DCBLD1: variants seen among roughly 807,000 people sequenced by gnomAD.
DCBLD1 encodes discoidin, CUB and LCCL domain containing 1.
Under a neutral mutation model 71.5 loss-of-function variants are expected in DCBLD1, and 57 were observed. The ratio of observed to expected loss-of-function variants is 0.80; its 90% CI spans 0.64 to 0.99. The LOEUF (loss-of-function observed/expected upper bound fraction) is 0.99. Ranked by LOEUF, DCBLD1 falls within the 50% of genes least tolerant of loss-of-function variation. DCBLD1 has a pLI of 0.00. For missense variants in DCBLD1, 891 were observed against 923.5 expected, an observed-to-expected ratio of 0.96 and a Z score of 0.46; for synonymous variants, 380 against 363.8, an observed-to-expected ratio of 1.04 and a Z score of -0.51.
At chr6:117,532,455 C>G in intron 6 of DCBLD1, 62 bp downstream of exon 6, 1 of 1,484,488 alleles carries the variant, frequency 6.7e-7, no homozygotes, top group African/African-American at 1.4e-5. Flanking sequence ...GGATAATTAA[C>G]CAGCTCACAA....
At chr6:117,513,703 C>T (rs942127870) in intron 2 of DCBLD1, among the ~76,000 whole-genome samples, 1 of 152,184 alleles carries the variant, frequency 6.6e-6, no homozygotes, top group African/African-American at 2.4e-5. Flanking sequence ...CCATGCAAAA[C>T]TGTGCATCCT....
At chr6:117,502,500 C>T (rs1261700050) in intron 1 of DCBLD1, among the ~76,000 whole-genome samples, 1 of 151,920 alleles carries the variant, frequency 6.6e-6, no homozygotes, top group Non-Finnish European at 1.5e-5. Flanking sequence ...ACCATTTGGC[C>T]CCAACACCTC....
At position 117,500,632 on chromosome 6, in the gene DCBLD1, C is replaced by T. The variant is rs369021987; in HGVS notation, c.113-3135C>T. On this transcript the variant is annotated intron_variant, in intron 1 of 14. Transcript: ENST00000338728. Reference sequence around the variant, plus strand: ...CTGTAATCCCAGCACTTTGGGAGGCCGAGGTGGGTGGATCATGAGGTCAGG... The same window carrying T: ...CTGTAATCCCAGCACTTTGGGAGGCTGAGGTGGGTGGATCATGAGGTCAGG... 2.1e-4 allele frequency among the ~76,000 whole-genome samples: 32 copies of T among 152,226 alleles called. 1 individual carries two copies. In the East Asian group the frequency reaches 2.9e-3, roughly 14 times the overall value.
chr6:117,506,230 G>C (rs1379426458), intron 2 of DCBLD1, among the ~76,000 whole-genome samples: 1 of 152,004 alleles, frequency 6.6e-6, no homozygotes, highest in Non-Finnish European at 1.5e-5. Flanking sequence ...GGCACAGTGT[G>C]ATTAGGTGAA....
downstream of DCBLD1, among the ~76,000 whole-genome samples, chr6:117,551,077 C>T (rs1779419177): frequency 6.6e-6 from 1 of 152,228 alleles, no homozygotes; most frequent in Non-Finnish European, 1.5e-5. Context: ...CTGTCTCCCA[C>T]TGATCTTGCT....
intron 14 of DCBLD1, among the ~76,000 whole-genome samples, chr6:117,546,643 T>G (rs1779274756): frequency 6.6e-6 from 1 of 152,162 alleles, no homozygotes; most frequent in Non-Finnish European, 1.5e-5. Flanking sequence ...CCTCCCTGAA[T>G]GATCCTCAGG....
At chr6:117,519,449 A>G (rs1304833434) in intron 2 of DCBLD1, among the ~76,000 whole-genome samples, 1 of 152,142 alleles carries the variant, frequency 6.6e-6, no homozygotes, top group Non-Finnish European at 1.5e-5. Flanking sequence ...TGATTTTTTT[A>G]GTTTATTTGA....
rs372647167 is a variant in DCBLD1, at chr6:117,548,814, C to T, written c.*375C>T. 1 of 1,081,710 alleles carries T rather than the reference C, an allele frequency of 9.2e-7. No individual in the cohort carries two copies. 67.0% of individuals were successfully genotyped at this position (1,081,710 alleles called of 1,614,324 possible). On this transcript the variant is annotated 3_prime_UTR_variant, in exon 15 of 15. Coordinates refer to ENST00000338728, the MANE Select transcript of DCBLD1 (RefSeq NM_001366458.2). ...TGCTCTATCAGATTTTAGTTCTGCA[C>T]AGAGGTTAAGTGGGAAAATGCAGCT...
chr6:117,548,302 G>A lies in DCBLD1; in HGVS notation c.2011G>A (p.Val671Ile). Reference protein sequence around the residue: ...ADRGYDRPKAVSALATESGHP... With the variant: ...ADRGYDRPKAISALATESGHP... ...CAGGGGCTACGACCGGCCCAAAGCTGTCAGCGCCCTCGCCACCGAAAGCGG... is the reference window on the plus strand; with the variant it reads ...CAGGGGCTACGACCGGCCCAAAGCTATCAGCGCCCTCGCCACCGAAAGCGG... The change falls in exon 15 of 15, where the codon GTC becomes ATC. Residue 671 changes from valine (V) to isoleucine (I), a missense_variant. Coordinates refer to ENST00000338728, the MANE Select transcript of DCBLD1 (RefSeq NM_001366458.2). 1 of 1,550,658 alleles carries A rather than the reference G, an allele frequency of 6.4e-7. No individual in the cohort carries two copies. Among genetic ancestry groups the A allele is most frequent in the Non-Finnish European group, 8.7e-7 (1 of 1,146,988 alleles).
chr6:117,541,065 C>CTGGTAACCCACCCAA (rs1163494337), intron 11 of DCBLD1, 40 bp downstream of exon 11: 1 of 1,598,968 alleles, frequency 6.3e-7, no homozygotes, highest in East Asian at 2.2e-5. Context: ...AGGAGCATAA[C>CTGGTAACCCACCCAA]TGGTAACCCA....
At chr6:117,506,869 T>C (rs1450055335) in intron 2 of DCBLD1, among the ~76,000 whole-genome samples, 7 of 152,232 alleles carry the variant, frequency 4.6e-5, no homozygotes, top group Non-Finnish European at 8.8e-5. Flanking sequence ...AGGGAGAGAA[T>C]GCATGTTCTG....
intron 1 of DCBLD1, chr6:117,485,187 A>ACATTTTGTAG: frequency 1.3e-5 from 2 of 152,358 alleles, no homozygotes; most frequent in South Asian, 2.1e-4. Flanking sequence ...TTTGTAGAAT[A>ACATTTTGTAG]AAATACCCTT....
intron 2 of DCBLD1, among the ~76,000 whole-genome samples, chr6:117,514,467 C>A (rs1029048529): frequency 4.6e-5 from 7 of 151,850 alleles, no homozygotes; most frequent in African/African-American, 1.5e-4. Flanking sequence ...ATTAGCTGGA[C>A]ATGGTGGCAC....
intron 2 of DCBLD1, among the ~76,000 whole-genome samples, chr6:117,508,563 A>T (rs1197208756): frequency 1.3e-5 from 2 of 152,190 alleles, no homozygotes; most frequent in Non-Finnish European, 1.5e-5. Context: ...TTTAGTGACC[A>T]TGTAACCTTG....
Position 117,547,919 on chromosome 6 carries a change from C to T in DCBLD1, c.1628C>T (p.Pro543Leu), listed in dbSNP as rs1779324471. ...CTTGTGGTTTCAGATTACCAGCAGC[C>T]CCTCATGATTGGCACCGGGACAGTC... ...ITSDMADYQQ[P>L]LMIGTGTVTR... Residue 543 changes from proline (P) to leucine (L), a missense_variant, in exon 15 of 15, where the codon CCC (proline) becomes CTC (leucine). By Grantham distance (98) the Pro-to-Leu change is moderately conservative (BLOSUM62 -3). Coordinates refer to ENST00000338728, the MANE Select transcript of DCBLD1 (RefSeq NM_001366458.2). The T allele has an allele frequency of 2.6e-6, 4 of 1,550,396 alleles. No individual in the cohort carries two copies. The highest frequency in any genetic ancestry group is 3.5e-6 in the Non-Finnish European group (4 of 1,146,956).
intron 11 of DCBLD1, among the ~76,000 whole-genome samples, chr6:117,542,038 A>G (rs1021637246): frequency 4.6e-5 from 7 of 152,156 alleles, no homozygotes; most frequent in African/African-American, 1.4e-4. Flanking sequence ...CATGCCTGTA[A>G]TCCTAGCACT....
At chr6:117,534,983 C>A (rs557567751) in intron 6 of DCBLD1, among the ~76,000 whole-genome samples, 1 of 152,074 alleles carries the variant, frequency 6.6e-6, no homozygotes, top group Non-Finnish European at 1.5e-5. Flanking sequence ...TTGCACTGAG[C>A]AAATAGTTAA....
intron 5 of DCBLD1, among the ~76,000 whole-genome samples, 180 bp downstream of exon 5, chr6:117,525,614 C>T (rs550136922): frequency 1.8e-3 from 245 of 133,682 alleles, no homozygotes; most frequent in African/African-American, 7.6e-3. Context: ...GCATTCATTC[C>T]TATTAGCATT....
At chr6:117,504,566 G>A (rs1199229659) in intron 2 of DCBLD1, among the ~76,000 whole-genome samples, 1 of 152,208 alleles carries the variant, frequency 6.6e-6, no homozygotes, top group African/African-American at 2.4e-5. Context: ...CATTTGAGCA[G>A]AGACCCAAAA....
Sources: allele counts gnomAD v4.1 joint callset (sites outside exome capture counted in the v4.1 genomes callset), GRCh38; gene constraint gnomAD v4.1.1; transcripts MANE v1.5; gene names NCBI Gene and HGNC (gene_info 2026-07-23, HGNC 2026-07-21).